The following RPP40 variants were observed in gnomAD, a reference collection of about 807,000 sequenced individuals.
RPP40 encodes ribonuclease P protein subunit p40.
Under a neutral mutation model 42.5 loss-of-function variants are expected in RPP40, and 30 were observed. The observed-to-expected ratio is 0.71, with a 90% confidence interval of 0.53 to 0.96. The LOEUF (loss-of-function observed/expected upper bound fraction) is 0.96, where lower values mean the gene tolerates loss of function less well. Ranked by LOEUF, RPP40 falls within the 40% of genes least tolerant of loss-of-function variation. The pLI is 0.00. For synonymous variants in RPP40, 173 were observed against 164.0 expected, an observed-to-expected ratio of 1.05 and a Z score of -0.42; for missense variants, 426 against 433.5, an observed-to-expected ratio of 0.98 and a Z score of 0.15.
At chr6:5,000,997 G>C in intron 2 of RPP40, 6 of 461,284 alleles carry the variant, frequency 1.3e-5, no homozygotes, top group South Asian at 9.4e-5. Context: ...CAAGCTTGCA[G>C]AAGACCAAGC....
chr6:5,000,485 G>A (rs1193045313), intron 3 of RPP40, 78 bp downstream of exon 3: 6 of 620,870 alleles, frequency 9.7e-6, no homozygotes, highest in Non-Finnish European at 1.5e-5. Context: ...ACCGTGCCCA[G>A]CTGACTTTTT....
downstream of RPP40, among the ~76,000 whole-genome samples, chr6:4,990,225 A>G (rs760020291): frequency 1.3e-5 from 2 of 152,130 alleles, no homozygotes; most frequent in African/African-American, 2.4e-5. Context: ...AATTATATTG[A>G]TTGATTTTTC....
chr6:4,999,209 AAT>A (rs879512210), intron 4 of RPP40, among the ~76,000 whole-genome samples: 1 of 152,022 alleles, frequency 6.6e-6, no homozygotes, highest in Non-Finnish European at 1.5e-5. Flanking sequence ...TTCTACTAGT[AAT>A]CATAAAGACT....
At chr6:4,993,810 G>T (rs934665108), downstream of RPP40, among the ~76,000 whole-genome samples, 1 of 152,090 alleles carries the variant, frequency 6.6e-6, no homozygotes, top group African/African-American at 2.4e-5. Flanking sequence ...ACAGGGGTTG[G>T]GGGGATGGGT....
At chr6:4,999,960 G>T in intron 3 of RPP40, 56 bp from the exon 4 acceptor site, 1 of 1,083,434 alleles carries the variant, frequency 9.2e-7, no homozygotes, top group Non-Finnish European at 1.4e-6. Flanking sequence ...TACGTTGTCT[G>T]ACTAAAAGAA....
intron 3 of RPP40, among the ~76,000 whole-genome samples, 155 bp downstream of exon 3, chr6:5,000,408 G>T (rs1581323243): frequency 6.6e-6 from 1 of 150,458 alleles, no homozygotes; most frequent in Admixed American, 6.6e-5. Flanking sequence ...GGCTGGTCTC[G>T]AACTCCTGAC....
At chr6:4,998,883 G>A (rs780590810) in intron 4 of RPP40, 42 bp from the exon 5 acceptor site, 26 of 1,225,540 alleles carry the variant, frequency 2.1e-5, no homozygotes, top group South Asian at 7.2e-5. Flanking sequence ...ATTCATATAC[G>A]TACAGCTTCT....
At chr6:4,994,149 A>G (rs1759302372), downstream of RPP40, among the ~76,000 whole-genome samples, 1 of 151,414 alleles carries the variant, frequency 6.6e-6, no homozygotes, top group East Asian at 2.0e-4. Context: ...TCTTCAGACA[A>G]AAAACCAAAC....
At chr6:4,998,035 G>A (rs1299604111) in intron 5 of RPP40, among the ~76,000 whole-genome samples, 1 of 152,174 alleles carries the variant, frequency 6.6e-6, no homozygotes, top group Non-Finnish European at 1.5e-5. Context: ...GGACTCATGG[G>A]AGCAACTTGG....
intron 4 of RPP40, 32 bp from the exon 5 acceptor site, chr6:4,998,873 A>G: frequency 2.3e-6 from 3 of 1,321,870 alleles, no homozygotes; most frequent in Non-Finnish European, 3.1e-6. Flanking sequence ...CATATATTTC[A>G]TTCATATACG....
At chr6:4,998,211 T>G (rs745615304) in intron 5 of RPP40, among the ~76,000 whole-genome samples, 11 of 152,232 alleles carry the variant, frequency 7.2e-5, no homozygotes, top group Admixed American at 3.9e-4. Flanking sequence ...AGGAGCAACA[T>G]ACATGGCCGT....
chr6:4,997,277 T>C (rs1749143), intron 5 of RPP40, among the ~76,000 whole-genome samples: 38,981 of 152,074 alleles, frequency 0.26, 5,416 homozygotes, highest in African/African-American at 0.36. Flanking sequence ...GTAAACTGAG[T>C]GGGAAGATCT....
chr6:4,991,791 T>C (rs1468419600), downstream of RPP40, among the ~76,000 whole-genome samples: 3 of 152,196 alleles, frequency 2.0e-5, no homozygotes, highest in South Asian at 6.2e-4. Context: ...TGTCAAATTG[T>C]AATCCCCAGT....
chr6:5,003,411 T>C (rs1759642646), intron 1 of RPP40, among the ~76,000 whole-genome samples: 1 of 150,868 alleles, frequency 6.6e-6, no homozygotes, highest in Non-Finnish European at 1.5e-5. Flanking sequence ...CAGGATGCTC[T>C]GGTGAGATCC....
At chr6:4,989,180 C>A in the RPP40 span, among the ~76,000 whole-genome samples, 1 of 151,014 alleles carries the variant, frequency 6.6e-6, no homozygotes, top group Admixed American at 6.6e-5. Flanking sequence ...CTGTTGATGT[C>A]TTTCCTTCAT....
downstream of RPP40, among the ~76,000 whole-genome samples, chr6:4,992,448 ATATT>A (rs1184141863): frequency 6.6e-6 from 1 of 151,844 alleles, no homozygotes; most frequent in African/African-American, 2.4e-5. Context: ...CCAGTCTCAG[ATATT>A]TCTTTATGGC....
intron 6 of RPP40, 30 bp downstream of exon 6, chr6:4,996,192 C>A: frequency 6.2e-7 from 1 of 1,610,788 alleles, no homozygotes; most frequent in African/African-American, 1.3e-5. Context: ...GGCCAGAGCC[C>A]TGGAAGACAC....
At position 4,996,290 on chromosome 6, in the gene RPP40, C is replaced by T. The variant is rs149704012; in HGVS notation, c.690G>A (p.Thr230=). ...PVLQSSELEG[T]PEVSCRALEL... ...CCAGAGCCCGGCAGGACACCTCTGG[C>T]GTTCCCTCCAGCTCGCTGCTCTGCA... is the stretch of plus-strand genomic sequence containing the variant. Residue 230 remains threonine (T), a synonymous_variant, in exon 6 of 8, where the codon ACG becomes ACA. Coordinates refer to ENST00000380051, the MANE Select transcript of RPP40 (RefSeq NM_006638.4). 631 of 1,614,120 alleles carry T rather than the reference C, an allele frequency of 3.9e-4. No individual in the cohort carries two copies. The highest frequency in any genetic ancestry group is 5.7e-4 in the South Asian group (52 of 91,088).
intron 2 of RPP40, 25 bp from the exon 3 acceptor site, chr6:5,000,656 A>C (rs1759524882): frequency 1.4e-6 from 2 of 1,396,076 alleles, no homozygotes; most frequent in Admixed American, 1.8e-5. Context: ...ACAGAGGAAA[A>C]ATTTAAAACA....
Sources: gnomAD v4.1 joint callset for allele counts (sites outside exome capture counted in the v4.1 genomes callset) on GRCh38, gnomAD v4.1.1 for gene constraint, MANE v1.5 for transcripts, NCBI Gene and HGNC (gene_info 2026-07-23, HGNC 2026-07-21) for gene names.